Variants in RAD23B observed in about 807,000 individuals in gnomAD.
RAD23B encodes RAD23 nucleotide excision repair protein B.
In RAD23B, 5 loss-of-function variants were observed where a neutral mutation model predicts 49.1. The ratio of observed to expected loss-of-function variants is 0.10; its 90% CI spans 0.05 to 0.21. RAD23B has a LOEUF of 0.21. Ranked by LOEUF, RAD23B falls within the 10% of genes least tolerant of loss-of-function variation. The pLI is 1.00. For synonymous variants in RAD23B, 184 were observed against 165.4 expected (o/e 1.11, Z -0.86); for missense variants, 356 against 486.7 (o/e 0.73, Z 2.53).
chr9:107,293,000 C>T (rs1234334102), intron 1 of RAD23B, among the ~76,000 whole-genome samples: 1 of 152,148 alleles, frequency 6.6e-6, no homozygotes, highest in Non-Finnish European at 1.5e-5. Flanking sequence ...GGTTCTTACT[C>T]AAGAGTCTCA....
chr9:107,283,973 C>G (rs1248238252), intron 1 of RAD23B: 2 of 1,119,220 alleles, frequency 1.8e-6, no homozygotes, highest in Non-Finnish European at 2.2e-6. Context: ...CCTAGGAGCT[C>G]GTGCTAGCGG....
Position 107,318,684 on chromosome 9 carries a change from C to T in RAD23B, c.554-68C>T. The T allele has an allele frequency of 6.9e-7, 1 of 1,459,424 alleles. No homozygotes were observed. The highest frequency in any genetic ancestry group is 9.4e-7 in the Non-Finnish European group (1 of 1,059,358). The allele number at this position is 1,459,424 out of a possible 1,614,324, so 90.4% of individuals were successfully genotyped here. A position where few individuals can be genotyped will look rare whatever the true frequency, so the allele number is the denominator to read the frequency against. On this transcript the variant is annotated intron_variant, in intron 5 of 9. Coordinates refer to ENST00000358015, the MANE Select transcript of RAD23B (RefSeq NM_002874.5). This position sits in a 1 kb window ranked among gnomAD's most constrained non-coding sequence, Gnocchi z 4.3. Reference sequence around the variant, plus strand: ...TTCCTGAAATGTTGTATACATGAATCAATAAATGTATAGAGAATGCTTATT... The same window carrying T: ...TTCCTGAAATGTTGTATACATGAATTAATAAATGTATAGAGAATGCTTATT...
chr9:107,299,973 A>T (rs1826614249), intron 1 of RAD23B, among the ~76,000 whole-genome samples, 168 bp from the exon 2 acceptor site: 1 of 152,158 alleles, frequency 6.6e-6, no homozygotes, highest in South Asian at 2.1e-4. Flanking sequence ...TAGTAATATG[A>T]GTTAATGTTG....
intron 4 of RAD23B, 142 bp from the exon 5 acceptor site, chr9:107,311,540 G>C (rs1826886458): frequency 1.7e-6 from 1 of 581,932 alleles, no homozygotes; most frequent in Admixed American, 3.8e-5. Context: ...TAATCTAGAA[G>C]AGACAGTTTA....
intron 2 of RAD23B, among the ~76,000 whole-genome samples, chr9:107,300,449 T>C (rs895558758): frequency 2.0e-5 from 3 of 152,138 alleles, no homozygotes; most frequent in African/African-American, 4.8e-5. Context: ...GTTTTATCTT[T>C]TGTAAGCATC....
intron 1 of RAD23B, among the ~76,000 whole-genome samples, chr9:107,287,847 A>AAC (rs1554739672): frequency 5.9e-5 from 9 of 151,656 alleles, no homozygotes; most frequent in African/African-American, 2.2e-4. Flanking sequence ...AAAAAAAAAA[A>AAC]AAACAAAAAA....
At chr9:107,290,459 G>A (rs957244118) in intron 1 of RAD23B, among the ~76,000 whole-genome samples, 1 of 152,126 alleles carries the variant, frequency 6.6e-6, no homozygotes, top group African/African-American at 2.4e-5. Flanking sequence ...AGAAAATTCA[G>A]GAGTATCTCT....
chr9:107,324,757 A>C (rs927592999), intron 8 of RAD23B, 77 bp from the exon 9 acceptor site: 1 of 1,358,974 alleles, frequency 7.4e-7, no homozygotes, highest in Non-Finnish European at 9.9e-7. Flanking sequence ...TTCTCTTAGT[A>C]ATATTTAGAA....
At chr9:107,287,706 T>C (rs780804507) in intron 1 of RAD23B, among the ~76,000 whole-genome samples, 1 of 151,960 alleles carries the variant, frequency 6.6e-6, no homozygotes, top group Non-Finnish European at 1.5e-5. Context: ...TGGTGGTGCA[T>C]GCCTGTAATC....
At chr9:107,283,814 C>G in intron 1 of RAD23B, 119 bp downstream of exon 1, 1 of 1,009,310 alleles carries the variant, frequency 9.9e-7, no homozygotes, top group Non-Finnish European at 1.3e-6. Flanking sequence ...GATGAGGGCC[C>G]TGGGTCCTGG....
chr9:107,312,639 A>G (rs111640360), intron 5 of RAD23B, among the ~76,000 whole-genome samples: 3 of 152,344 alleles, frequency 2.0e-5, no homozygotes, highest in African/African-American at 7.2e-5. Flanking sequence ...GCAGTGTCCT[A>G]AAACCACTCT....
At chr9:107,308,750 AGAGGAAT>A (rs1826832884) in intron 4 of RAD23B, among the ~76,000 whole-genome samples, 1 of 152,196 alleles carries the variant, frequency 6.6e-6, no homozygotes, top group Non-Finnish European at 1.5e-5. Flanking sequence ...ACACAGGAAG[AGAGGAAT>A]GAGGGAAACT....
At chr9:107,326,495 A>G (rs1587865904) in intron 9 of RAD23B, among the ~76,000 whole-genome samples, 2 of 151,360 alleles carry the variant, frequency 1.3e-5, no homozygotes, top group African/African-American at 4.8e-5. Context: ...AAAAAAAAAA[A>G]AAAGAATTGG....
chr9:107,302,655 G>GTT (rs1378691835), intron 3 of RAD23B, among the ~76,000 whole-genome samples: 1 of 102,418 alleles, frequency 9.8e-6, no homozygotes, highest in South Asian at 3.1e-4. Context: ...TTTTGTTTTT[G>GTT]TTTTGTTTTT....
intron 1 of RAD23B, among the ~76,000 whole-genome samples, chr9:107,287,068 C>T (rs916537609): frequency 6.9e-6 from 1 of 143,972 alleles, no homozygotes; most frequent in African/African-American, 2.7e-5. Context: ...AAGCGAGACT[C>T]CGTCTCAAAA....
chr9:107,294,811 G>T (rs1826465602), intron 1 of RAD23B, among the ~76,000 whole-genome samples: 1 of 152,184 alleles, frequency 6.6e-6, no homozygotes, highest in Non-Finnish European at 1.5e-5. Context: ...GAAACTAGGA[G>T]TAGACACGAT....
chr9:107,299,550 T>G (rs1375096648), intron 1 of RAD23B, among the ~76,000 whole-genome samples: 1 of 152,208 alleles, frequency 6.6e-6, no homozygotes, highest in Non-Finnish European at 1.5e-5. Context: ...TTAAGAGCAT[T>G]GAAGTTGTCT....
chr9:107,293,256 C>T (rs1262685832), intron 1 of RAD23B, among the ~76,000 whole-genome samples: 1 of 152,198 alleles, frequency 6.6e-6, no homozygotes, highest in African/African-American at 2.4e-5. Context: ...ACTTTTACTT[C>T]AGCAGTATCT....
chr9:107,324,706 A>G (rs1827170837), intron 8 of RAD23B, 128 bp from the exon 9 acceptor site: 2 of 924,514 alleles, frequency 2.2e-6, no homozygotes. Flanking sequence ...AAGACTGAAT[A>G]ATCCAGAATC....
Sources: gnomAD v4.1 joint callset for allele counts (sites outside exome capture counted in the v4.1 genomes callset) on GRCh38, gnomAD v4.1.1 for gene constraint, Gnocchi (gnomAD v3.1) non-coding constraint, MANE v1.5 for transcripts, NCBI Gene and HGNC (gene_info 2026-07-23, HGNC 2026-07-21) for gene names.